Variants in SPTLC1 observed in about 807,000 individuals in gnomAD.
The protein encoded by SPTLC1 is serine palmitoyltransferase 1.
SPTLC1 carries 55 observed loss-of-function variants against 68.9 expected under a neutral mutation model. The ratio of observed to expected loss-of-function variants is 0.80; its 90% CI spans 0.64 to 1.00. SPTLC1 has a LOEUF of 1.00. SPTLC1 is among the 50% of genes least tolerant of loss of function. SPTLC1 has a pLI of 0.00. For synonymous variants in SPTLC1, 197 were observed against 201.6 expected (o/e 0.98, Z 0.19); for missense variants, 449 against 573.1 (o/e 0.78, Z 2.21).
At chr9:92,050,492 C>G in intron 8 of SPTLC1, 1 of 189,958 alleles carries the variant, frequency 5.3e-6, no homozygotes, top group South Asian at 1.0e-4. Context: ...TGTGATGTCC[C>G]TTATGGAGAA....
intron 6 of SPTLC1, 112 bp from the exon 7 acceptor site, chr9:92,059,420 A>G: frequency 3.7e-6 from 4 of 1,092,870 alleles, no homozygotes; most frequent in Admixed American, 1.8e-5. Context: ...ACATGAGCAT[A>G]GCAAATAAAT....
At chr9:92,062,806 TAAAAC>T (rs369927460) in intron 6 of SPTLC1, among the ~76,000 whole-genome samples, 112 of 152,142 alleles carry the variant, frequency 7.4e-4, no homozygotes, top group African/African-American at 2.6e-3. Context: ...CCCTATTTCT[TAAAAC>T]AAAACAAAAA....
chr9:92,068,176 C>T, intron 5 of SPTLC1, 78 bp from the exon 6 acceptor site: 1 of 1,420,508 alleles, frequency 7.0e-7, no homozygotes, highest in Admixed American at 2.0e-5. Flanking sequence ...TAAAAGAACA[C>T]AAGCAGTATA....
At chr9:92,078,834 A>T (rs1834772532) in intron 5 of SPTLC1, among the ~76,000 whole-genome samples, 1 of 152,210 alleles carries the variant, frequency 6.6e-6, no homozygotes, top group Admixed American at 6.5e-5. Flanking sequence ...ACTTCTCCTT[A>T]TCTGTTTCCA....
chr9:92,051,905 T>C (rs971060374), intron 8 of SPTLC1, among the ~76,000 whole-genome samples: 1 of 152,040 alleles, frequency 6.6e-6, no homozygotes, highest in African/African-American at 2.4e-5. Flanking sequence ...ACCAAAGAGG[T>C]GCAGGACGTA....
chr9:92,096,479 C>A (rs1835533813), intron 3 of SPTLC1, among the ~76,000 whole-genome samples: 1 of 152,098 alleles, frequency 6.6e-6, no homozygotes. Context: ...AAGAAAAAGC[C>A]AAGCCCATTT....
intron 5 of SPTLC1, chr9:92,076,654 A>G (rs1370037146): frequency 2.0e-5 from 3 of 152,094 alleles, no homozygotes; most frequent in East Asian, 1.9e-4. Flanking sequence ...TCACCTCTCA[A>G]TGGGCTATAA....
At chr9:92,050,883 G>T in intron 8 of SPTLC1, 2 of 413,322 alleles carry the variant, frequency 4.8e-6, no homozygotes, top group Non-Finnish European at 6.4e-6. Context: ...TAGGATCATG[G>T]CTCACTGCAG....
At chr9:92,036,003 A>G (rs992132762) in intron 13 of SPTLC1, among the ~76,000 whole-genome samples, 1 of 152,264 alleles carries the variant, frequency 6.6e-6, no homozygotes, top group Non-Finnish European at 1.5e-5. Context: ...TCAGATCTAC[A>G]AAGCTTAAAT....
chr9:92,083,755 T>C (rs917949224), intron 3 of SPTLC1, among the ~76,000 whole-genome samples: 5 of 152,120 alleles, frequency 3.3e-5, no homozygotes, highest in African/African-American at 1.2e-4. Context: ...AACTTTAAAG[T>C]AGTTTTTTCC....
chr9:92,076,368 G>A (rs1488668854), intron 5 of SPTLC1, among the ~76,000 whole-genome samples: 1 of 152,104 alleles, frequency 6.6e-6, no homozygotes, highest in South Asian at 2.1e-4. Context: ...AACAGCCAAA[G>A]AAACAGCAAA....
chr9:92,096,219 G>A (rs910815300), intron 3 of SPTLC1, among the ~76,000 whole-genome samples: 2 of 152,066 alleles, frequency 1.3e-5, no homozygotes, highest in Non-Finnish European at 2.9e-5. Flanking sequence ...AAGTTTGGGG[G>A]TCCCCTCAAA....
At chr9:92,108,899 A>T in intron 2 of SPTLC1, 65 bp from the exon 3 acceptor site, 1 of 1,588,386 alleles carries the variant, frequency 6.3e-7, no homozygotes, top group Middle Eastern at 2.0e-4. Flanking sequence ...GTGTCTCTGC[A>T]ACTTCAGTAT....
intron 6 of SPTLC1, among the ~76,000 whole-genome samples, chr9:92,064,039 T>C (rs938561405): frequency 3.3e-5 from 5 of 152,016 alleles, no homozygotes; most frequent in South Asian, 4.1e-4. Context: ...AGTAAGTAGA[T>C]TAGAAAATAA....
intron 13 of SPTLC1, among the ~76,000 whole-genome samples, chr9:92,037,898 T>C (rs1315097132): frequency 6.6e-6 from 1 of 152,062 alleles, no homozygotes; most frequent in African/African-American, 2.4e-5. Context: ...CAACTACACA[T>C]AGGAAAGCCT....
intron 6 of SPTLC1, among the ~76,000 whole-genome samples, chr9:92,063,076 C>A (rs532412025): frequency 6.6e-6 from 1 of 152,104 alleles, no homozygotes; most frequent in South Asian, 2.1e-4. Flanking sequence ...AACAATGAAA[C>A]AAAGAGCTGA....
chr9:92,087,255 T>C (rs1835180092), intron 3 of SPTLC1, among the ~76,000 whole-genome samples: 1 of 152,240 alleles, frequency 6.6e-6, no homozygotes, highest in African/African-American at 2.4e-5. Context: ...TCAAAGTCAT[T>C]CTCCATCCAG....
chr9:92,045,537 A>AAC (rs1833482643), intron 12 of SPTLC1, among the ~76,000 whole-genome samples: 1 of 143,380 alleles, frequency 7.0e-6, no homozygotes, highest in South Asian at 2.1e-4. Context: ...AAAAAAAAAA[A>AAC]AAAAAAAAAA....
At chr9:92,060,922 A>AC (rs1215239840) in intron 6 of SPTLC1, among the ~76,000 whole-genome samples, 2 of 151,584 alleles carry the variant, frequency 1.3e-5, no homozygotes, top group Non-Finnish European at 2.9e-5. Context: ...CAAAAAAAAA[A>AC]AAAACAAAGA....
Sources: allele counts gnomAD v4.1 joint callset (sites outside exome capture counted in the v4.1 genomes callset), GRCh38; gene constraint gnomAD v4.1.1; transcripts MANE v1.5; gene names NCBI Gene and HGNC (gene_info 2026-07-23, HGNC 2026-07-21).